Variants in CACNA1C observed in about 807,000 individuals in gnomAD.
CACNA1C encodes calcium voltage-gated channel subunit alpha1 C.
CACNA1C carries 30 observed loss-of-function variants against 229.0 expected under a neutral mutation model. That is an observed-to-expected ratio of 0.13 (90% CI 0.10 to 0.18). CACNA1C has a LOEUF of 0.18. Ranked by LOEUF, CACNA1C falls within the 10% of genes least tolerant of loss-of-function variation. CACNA1C has a pLI of 1.00. For synonymous variants in CACNA1C, 1,114 were observed against 1,132.5 expected, an observed-to-expected ratio of 0.98 and a Z score of 0.33; for missense variants, 1,658 against 2,845.0, an observed-to-expected ratio of 0.58 and a Z score of 9.49.
In CACNA1C at chr12:2,092,061, A is replaced by G. The variant is rs148642237; in HGVS notation, c.50-23163A>G. Among the ~76,000 whole-genome samples the G allele has an allele frequency of 2.0e-4, 30 of 152,180 alleles. No homozygotes were observed. The East Asian group carries it at 2.7e-3, about 14-fold the overall frequency. ...TGGTGTCCTCACATTGCCTTTTCCC[A>G]TTGGCTATGGAGAGACTGAGGCTGC... On this transcript the variant is annotated intron_variant, in intron 1 of 46. Coordinates refer to ENST00000399655, the MANE Select transcript of CACNA1C (RefSeq NM_000719.7).
At chr12:2,552,071 C>T (rs1000234191) in intron 10 of CACNA1C, among the ~76,000 whole-genome samples, 1 of 152,156 alleles carries the variant, frequency 6.6e-6, no homozygotes, top group African/African-American at 2.4e-5. Context: ...AATGGACACA[C>T]AGAAGAATAA....
At chr12:2,265,466 TG>T (rs375139328) in intron 3 of CACNA1C, among the ~76,000 whole-genome samples, 18 of 152,182 alleles carry the variant, frequency 1.2e-4, no homozygotes, top group Admixed American at 9.8e-4. Context: ...TACTGCAGAG[TG>T]GGGGGCTGGA....
rs1481557059 is a variant in CACNA1C, at chr12:2,215,085, G to A, written c.477+94655G>A. Among the ~76,000 whole-genome samples the A allele has an allele frequency of 6.6e-6, 1 of 152,120 alleles. No individual in the cohort carries two copies. The highest frequency in any genetic ancestry group is 1.9e-4 in the East Asian group (1 of 5,176). On this transcript the variant is annotated intron_variant, in intron 3 of 46. Transcript: ENST00000399655. The surrounding 1 kb of genome is among the most constrained non-coding windows in gnomAD (Gnocchi z 5.0). ...TGCATTGCAGCGGGTGTGTCGGAGG[G>A]CTCAGCAAACGTGTGCTGCATGAGA...
intron 34 of CACNA1C, among the ~76,000 whole-genome samples, chr12:2,656,447 A>G (rs1445843288): frequency 2.0e-5 from 3 of 152,226 alleles, no homozygotes; most frequent in African/African-American, 7.2e-5. Context: ...AAATAAATGG[A>G]AAGATATCTT....
intron 3 of CACNA1C, among the ~76,000 whole-genome samples, chr12:2,331,520 A>G (rs553428332): frequency 6.6e-6 from 1 of 152,376 alleles, no homozygotes; most frequent in Admixed American, 6.5e-5. Context: ...AGAGCTTCCT[A>G]CTGCCTAAAT....
chr12:2,666,637 G>A lies in CACNA1C; in HGVS notation c.4527-49G>A. 7.9e-7 allele frequency: 1 copy of A among 1,264,816 alleles called. No homozygotes were observed. Among genetic ancestry groups the A allele is most frequent in the Non-Finnish European group, 1.1e-6 (1 of 884,980 alleles). The allele number at this position is 1,264,816 out of a possible 1,614,324, so 78.3% of individuals were successfully genotyped here. On this transcript the variant is annotated intron_variant, in intron 36 of 46. Coordinates refer to ENST00000399655, the MANE Select transcript of CACNA1C (RefSeq NM_000719.7). The surrounding 1 kb of genome is among the most constrained non-coding windows in gnomAD (Gnocchi z 5.3). The stretch of plus-strand genomic sequence containing the variant: ...GCGCATGCGTCCTGGGCTGCTGGCA[G>A]AGACCGTGGCTCTCTGATGCCCTGT...
At chr12:2,385,392 G>A (rs1427536280) in intron 3 of CACNA1C, among the ~76,000 whole-genome samples, 2 of 151,820 alleles carry the variant, frequency 1.3e-5, no homozygotes, top group African/African-American at 2.4e-5. Context: ...AAAATGAGGT[G>A]ATCAGAAAAC....
chr12:2,498,002 C>CAA (rs1555678895), intron 7 of CACNA1C, among the ~76,000 whole-genome samples: 3 of 149,820 alleles, frequency 2.0e-5, no homozygotes, highest in African/African-American at 5.0e-5. Flanking sequence ...CACACACACA[C>CAA]AACAGCTATT....
chr12:2,541,097 C>T (rs554749671), intron 9 of CACNA1C, among the ~76,000 whole-genome samples: 63 of 152,238 alleles, frequency 4.1e-4, no homozygotes, highest in Non-Finnish European at 7.8e-4. Flanking sequence ...TATAAGGATC[C>T]GGTCACACTG....
intron 3 of CACNA1C, among the ~76,000 whole-genome samples, chr12:2,193,008 G>T (rs1443955590): frequency 6.6e-6 from 1 of 152,260 alleles, no homozygotes; most frequent in Non-Finnish European, 1.5e-5. Context: ...TCGGATTCAA[G>T]ATGTCATTCC....
chr12:2,255,269 A>G (rs913013136), intron 3 of CACNA1C, among the ~76,000 whole-genome samples: 10 of 135,616 alleles, frequency 7.4e-5, no homozygotes, highest in African/African-American at 1.7e-4. Flanking sequence ...TCTGCTGCAG[A>G]AAAAAAAAAA....
At chr12:2,187,281 G>A (rs987311951) in intron 3 of CACNA1C, among the ~76,000 whole-genome samples, 1 of 152,198 alleles carries the variant, frequency 6.6e-6, no homozygotes, top group Non-Finnish European at 1.5e-5. Flanking sequence ...CTAGGACCCA[G>A]TCGAGGCTCG....
Position 2,653,846 on chromosome 12 carries a change from T to C in CACNA1C, c.4086T>C (p.Tyr1362=). 4.3e-6 allele frequency: 7 copies of C among 1,613,934 alleles called. No homozygotes were observed. The highest frequency in any genetic ancestry group is 5.9e-6 in the Non-Finnish European group (7 of 1,179,864). The change falls in exon 33 of 47, where the codon TAT becomes TAC. Residue 1362 remains tyrosine, a synonymous_variant. Coordinates refer to ENST00000399655, the MANE Select transcript of CACNA1C (RefSeq NM_000719.7). The surrounding 1 kb of genome is among the most constrained non-coding windows in gnomAD (Gnocchi z 4.7). The stretch of plus-strand genomic sequence containing the variant: ...GCACTTCCTTCCAGGCCCTGCCCTA[T>C]GTGGCCCTCCTGATCGTGATGCTGT... ...TFIKSFQALP[Y]VALLIVMLFF...
Position 2,120,381 on chromosome 12 carries a change from T to C in CACNA1C, c.428T>C (p.Ile143Thr). 3.7e-6 allele frequency: 6 copies of C among 1,612,052 alleles called. No individual in the cohort carries two copies. The highest frequency in any genetic ancestry group is 5.1e-6 in the Non-Finnish European group (6 of 1,178,082). ...TTTGCCAATTGTGTGGCCTTAGCGA[T>C]CTATATTCCCTTTCCAGAAGATGAT... Reference protein sequence around the residue: ...TIFANCVALAIYIPFPEDDSN... With the variant: ...TIFANCVALATYIPFPEDDSN... Residue 143 changes from isoleucine to threonine, a missense_variant, in exon 3 of 47, where the codon ATC becomes ACC. Transcript: ENST00000399655.
At chr12:2,350,197 C>T (rs1046892167) in intron 3 of CACNA1C, among the ~76,000 whole-genome samples, 1 of 152,180 alleles carries the variant, frequency 6.6e-6, no homozygotes, top group African/African-American at 2.4e-5. Flanking sequence ...CCCACCTCAC[C>T]TCCATCAGGT....
intron 3 of CACNA1C, among the ~76,000 whole-genome samples, chr12:2,226,125 G>GCACACACACACA (rs59055471): frequency 1.4e-5 from 2 of 142,770 alleles, no homozygotes; most frequent in African/African-American, 2.6e-5. Flanking sequence ...ATGGGGACGC[G>GCACACACACACA]CACACACACA....
intron 3 of CACNA1C, among the ~76,000 whole-genome samples, chr12:2,415,245 C>CT (rs1054122153): frequency 2.6e-5 from 4 of 152,166 alleles, no homozygotes; most frequent in African/African-American, 9.7e-5. Context: ...TTTTGCTAGT[C>CT]TTTTTTATCT....
At chr12:2,568,228 C>T (rs1299748182) in intron 13 of CACNA1C, among the ~76,000 whole-genome samples, 2 of 152,134 alleles carry the variant, frequency 1.3e-5, no homozygotes, top group Non-Finnish European at 2.9e-5. Context: ...GGGCCGACCA[C>T]CCCGGCCAAG....
chr12:2,152,076 G>C lies in CACNA1C; in HGVS notation c.477+31646G>C, dbSNP rs1410167540. Among the ~76,000 whole-genome samples, 2 of 152,158 alleles carry C rather than the reference G, an allele frequency of 1.3e-5. No individual in the cohort carries two copies. Among genetic ancestry groups the C allele is most frequent in the African/African-American group, 2.4e-5 (1 of 41,436 alleles). On this transcript the variant is annotated intron_variant, in intron 3 of 46. Transcript: ENST00000399655. The surrounding 1 kb of genome is among the most constrained non-coding windows in gnomAD (Gnocchi z 4.2). The stretch of plus-strand genomic sequence containing the variant: ...CAGTCTCATTGCTATTTGTGGTAAT[G>C]GTCATTTAGTTTCAGGAAAACATCG...
Sources: allele counts gnomAD v4.1 joint callset (sites outside exome capture counted in the v4.1 genomes callset), GRCh38; gene constraint gnomAD v4.1.1; non-coding constraint Gnocchi (gnomAD v3.1); transcripts MANE v1.5; gene names NCBI Gene and HGNC (gene_info 2026-07-23, HGNC 2026-07-21).